The following RAPGEF5 variants were observed in gnomAD, a reference collection of about 807,000 sequenced individuals.
The protein encoded by RAPGEF5 is Rap guanine nucleotide exchange factor 5.
A neutral mutation model predicts 125.2 loss-of-function variants in RAPGEF5; 65 were observed. The observed-to-expected ratio is 0.52, with a 90% CI of 0.43 to 0.64. The LOEUF (loss-of-function observed/expected upper bound fraction) is 0.64, where lower values mean the gene tolerates loss of function less well. RAPGEF5 is among the 30% of genes least tolerant of loss of function. The probability of loss-of-function intolerance (pLI) is 0.00; values close to 1 mark genes in which losing one functional copy is unlikely to be tolerated. For missense variants in RAPGEF5, 958 were observed against 1,048.1 expected, an observed-to-expected ratio of 0.91 and a Z score of 1.19; for synonymous variants, 391 against 385.9, an observed-to-expected ratio of 1.01 and a Z score of -0.16.
chr7:22,262,313 G>T (rs1782175069), intron 7 of RAPGEF5, among the ~76,000 whole-genome samples: 1 of 152,104 alleles, frequency 6.6e-6, no homozygotes, highest in African/African-American at 2.4e-5. Context: ...CACTTGAGAA[G>T]ATCAACATCA....
At chr7:22,127,542 T>C (rs988926155) in intron 24 of RAPGEF5, among the ~76,000 whole-genome samples, 3 of 152,246 alleles carry the variant, frequency 2.0e-5, no homozygotes, top group Non-Finnish European at 4.4e-5. Flanking sequence ...GCTGGCTTAA[T>C]TGCCAGAATA....
At chr7:22,139,027 G>A (rs1166781901) in intron 21 of RAPGEF5, among the ~76,000 whole-genome samples, 1 of 152,166 alleles carries the variant, frequency 6.6e-6, no homozygotes, top group Non-Finnish European at 1.5e-5. Context: ...GACTGACTCT[G>A]ACCCTTGGGT....
chr7:22,135,641 G>T (rs995237199), intron 23 of RAPGEF5, among the ~76,000 whole-genome samples: 1 of 152,156 alleles, frequency 6.6e-6, no homozygotes, highest in Admixed American at 6.5e-5. Flanking sequence ...TGTGGGCTGC[G>T]TCTCTTAAGT....
chr7:22,283,046 TACACACACAC>T (rs71550469), intron 6 of RAPGEF5, among the ~76,000 whole-genome samples: 3 of 148,360 alleles, frequency 2.0e-5, no homozygotes, highest in Non-Finnish European at 4.5e-5. Flanking sequence ...TGTAAAAAAA[TACACACACAC>T]ACACACACAC....
chr7:22,159,590 C>T (rs1003727474), intron 14 of RAPGEF5, among the ~76,000 whole-genome samples: 2 of 152,102 alleles, frequency 1.3e-5, no homozygotes, highest in Admixed American at 6.5e-5. Flanking sequence ...AACTCTGTGG[C>T]TAAATCTGAA....
intron 1 of RAPGEF5, among the ~76,000 whole-genome samples, chr7:22,353,925 A>T (rs2128390191): frequency 6.6e-6 from 1 of 152,208 alleles, no homozygotes; most frequent in African/African-American, 2.4e-5. Flanking sequence ...AAAAAAAATT[A>T]GCCAAGCATG....
At chr7:22,281,633 G>T (rs1006380962) in intron 6 of RAPGEF5, among the ~76,000 whole-genome samples, 1 of 152,112 alleles carries the variant, frequency 6.6e-6, no homozygotes, top group South Asian at 2.1e-4. Context: ...AATTACTGAG[G>T]TACACTGCAG....
At chr7:22,299,253 A>AT (rs1783140135) in intron 5 of RAPGEF5, among the ~76,000 whole-genome samples, 1 of 151,984 alleles carries the variant, frequency 6.6e-6, no homozygotes, top group South Asian at 2.1e-4. Context: ...GCATCCCATA[A>AT]TTTTGAGCAT....
intron 13 of RAPGEF5, among the ~76,000 whole-genome samples, chr7:22,161,313 G>C (rs529923183): frequency 4.0e-4 from 61 of 152,292 alleles, no homozygotes; most frequent in Admixed American, 9.2e-4. Flanking sequence ...GGCTGAGTAG[G>C]GAGAACTGCT....
intron 7 of RAPGEF5, among the ~76,000 whole-genome samples, chr7:22,246,766 T>G (rs756756503): frequency 2.3e-4 from 35 of 151,800 alleles, no homozygotes; most frequent in Non-Finnish European, 8.8e-5. Context: ...GACAGCAAAA[T>G]AAATTATCAA....
intron 5 of RAPGEF5, among the ~76,000 whole-genome samples, chr7:22,300,067 T>C (rs1204687062): frequency 6.6e-6 from 1 of 152,120 alleles, no homozygotes; most frequent in Non-Finnish European, 1.5e-5. Context: ...GTTTTTTTTC[T>C]GCACCAATCT....
intron 13 of RAPGEF5, among the ~76,000 whole-genome samples, chr7:22,161,847 G>A (rs1784011396): frequency 6.6e-6 from 1 of 152,052 alleles, no homozygotes; most frequent in African/African-American, 2.4e-5. Flanking sequence ...TGATTTTGGT[G>A]GCCAAAGGAA....
rs10668286 is a variant in RAPGEF5, at chr7:22,150,513, GAAAAAAAA to G, written c.1787-17_1787-10del. On this transcript the variant is annotated splice_polypyrimidine_tract_variant and intron_variant, in intron 17 of 25. Transcript: ENST00000665637. ...CTGAAGTTCATGCTTTTCTTTATTT[GAAAAAAAA>G]AAAAAAAAAAGGAATAATCAGAAAT... 10 of 1,352,482 alleles carry G rather than the reference GAAAAAAAA, an allele frequency of 7.4e-6. No homozygotes were observed. Among genetic ancestry groups the G allele is most frequent in the South Asian group, 2.8e-5 (2 of 70,226 alleles). The allele number at this position is 1,352,482 out of a possible 1,614,324, so 83.8% of individuals were successfully genotyped here. A position where few individuals can be genotyped will look rare whatever the true frequency, so the allele number is the denominator to read the frequency against.
intron 9 of RAPGEF5, 61 bp from the exon 10 acceptor site, chr7:22,194,094 G>T: frequency 2.1e-6 from 3 of 1,435,358 alleles, no homozygotes; most frequent in South Asian, 2.5e-5. Flanking sequence ...AATTAAAAGT[G>T]GGGGGAAAAT....
intron 7 of RAPGEF5, among the ~76,000 whole-genome samples, chr7:22,235,557 A>G (rs1037804459): frequency 1.3e-5 from 2 of 152,214 alleles, no homozygotes; most frequent in African/African-American, 4.8e-5. Context: ...CTAGTAAAGT[A>G]TTTTTCACAA....
At chr7:22,349,198 C>T (rs1379660235) in intron 1 of RAPGEF5, among the ~76,000 whole-genome samples, 2 of 150,940 alleles carry the variant, frequency 1.3e-5, no homozygotes, top group Admixed American at 1.3e-4. Flanking sequence ...CTGAGGCAGG[C>T]GGATCACTTG....
chr7:22,278,446 T>C (rs988181529), intron 6 of RAPGEF5, among the ~76,000 whole-genome samples: 3 of 152,152 alleles, frequency 2.0e-5, no homozygotes, highest in Admixed American at 6.5e-5. Context: ...TTGTGGTTTT[T>C]GTTGGGTAAT....
chr7:22,350,733 A>G (rs144503549), intron 1 of RAPGEF5, among the ~76,000 whole-genome samples: 1,575 of 152,340 alleles, frequency 0.01, 26 homozygotes, highest in African/African-American at 0.036. Context: ...TTAACTTGCC[A>G]TTGAGTTCCT....
chr7:22,229,684 C>T (rs1006105563), intron 8 of RAPGEF5, among the ~76,000 whole-genome samples: 19 of 152,306 alleles, frequency 1.2e-4, no homozygotes, highest in African/African-American at 4.1e-4. Context: ...CTTATATAGA[C>T]GGGCCTGCAG....
Sources: allele counts gnomAD v4.1 joint callset (sites outside exome capture counted in the v4.1 genomes callset), GRCh38; gene constraint gnomAD v4.1.1; transcripts MANE v1.5; gene names NCBI Gene and HGNC (gene_info 2026-07-23, HGNC 2026-07-21).